The following ZNF384 variants were observed in gnomAD, a reference collection of about 807,000 sequenced individuals.
ZNF384 encodes the protein zinc finger protein 384.
Under a neutral mutation model 65.0 loss-of-function variants are expected in ZNF384, and 20 were observed. The ratio of observed to expected loss-of-function variants is 0.31; its 90% confidence interval spans 0.22 to 0.45. The LOEUF is 0.45. Among genes scored for constraint, ZNF384 ranks in the 20% least tolerant of loss-of-function variants. The pLI, the probability that ZNF384 is intolerant of heterozygous loss-of-function variation, is 1.00. For missense variants in ZNF384, 549 were observed against 769.4 expected, an observed-to-expected ratio of 0.71 and a Z score of 3.39; for synonymous variants, 310 against 303.9, an observed-to-expected ratio of 1.02 and a Z score of -0.21.
intron 2 of ZNF384, 109 bp from the exon 3 acceptor site, chr12:6,679,634 A>G (rs1955146578): frequency 1.3e-6 from 1 of 796,154 alleles, no homozygotes; most frequent in African/African-American, 1.7e-5. Context: ...ACCTGATCAC[A>G]TGGCTGGGGA....
rs775955226 is a variant in ZNF384 at position 6,672,459 on chromosome 12, T to C, written c.1078A>G (p.Thr360Ala). The C allele has an allele frequency of 6.2e-7, 1 of 1,613,490 alleles. No individual in the cohort carries two copies. The highest frequency in any genetic ancestry group is 1.1e-5 in the South Asian group (1 of 91,020). The change falls in exon 9 of 12, where the codon ACC (threonine) becomes GCC (alanine). Residue 360 changes from threonine (T) to alanine (A), a missense_variant. Physicochemically the swap from Thr to Ala is moderately conservative, Grantham distance 58. Coordinates refer to ENST00000683879, the MANE Select transcript of ZNF384 (RefSeq NM_001385745.1). The surrounding 1 kb of genome is among the most constrained non-coding windows in gnomAD (Gnocchi z 4.4). ...CGGAGGTGCTGGGCCAGGTAGGAGG[T>C]GTTGGCGAAGGTCTTGGAGCAGTGC... Reference protein sequence around the residue: ...CPHCSKTFANTSYLAQHLRIH... With the variant: ...CPHCSKTFANASYLAQHLRIH...
Position 6,678,807 on chromosome 12 carries a change from C to T in ZNF384, c.305-97G>A. ...CCACAATGCCTAGCACATTGCTAGG[C>T]ACACAGTAGGCACTTAATAAAAATT... On this transcript the variant is annotated intron_variant, in intron 4 of 11. Coordinates refer to ENST00000683879, the MANE Select transcript of ZNF384 (RefSeq NM_001385745.1). The surrounding 1 kb of genome is among the most constrained non-coding windows in gnomAD (Gnocchi z 4.9). The T allele has an allele frequency of 2.7e-6, 4 of 1,498,376 alleles. No homozygotes were observed. The highest frequency in any genetic ancestry group is 2.8e-6 in the Non-Finnish European group (3 of 1,079,566). The allele number at this position is 1,498,376 out of a possible 1,614,324, so 92.8% of individuals were successfully genotyped here. A position where few individuals can be genotyped will look rare whatever the true frequency, so the allele number is the denominator to read the frequency against.
At chr12:6,688,430 G>A (rs1181302832) in intron 1 of ZNF384, 4 of 152,262 alleles carry the variant, frequency 2.6e-5, no homozygotes, top group African/African-American at 9.7e-5. Context: ...CCAATTCCCA[G>A]AAACTAAGAC....
rs2136648649 is a variant in ZNF384, at chr12:6,673,331, C to T, written c.889G>A (p.Ala297Thr). Residue 297 changes from alanine to threonine, a missense_variant, in exon 8 of 12, where the codon GCC becomes ACC. Physicochemically the swap from Ala to Thr is moderately conservative, Grantham distance 58. Transcript: ENST00000683879. The surrounding 1 kb of genome is among the most constrained non-coding windows in gnomAD (Gnocchi z 4.7). ...TGCTGGGCCAGGTAGGAGCTGTTGG[C>T]GAAGGTCTTGGAGCAATGTGGGCAC... is the stretch of plus-strand genomic sequence containing the variant. ...HKCPHCSKTFANSSYLAQHIR... is the reference protein window; with the variant it reads ...HKCPHCSKTFTNSSYLAQHIR... 4 of 1,612,296 alleles carry T rather than the reference C, an allele frequency of 2.5e-6. No individual in the cohort carries two copies. The highest frequency in any genetic ancestry group is 3.4e-6 in the Non-Finnish European group (4 of 1,179,796).
chr12:6,672,483 G>T lies in ZNF384; in HGVS notation c.1054C>A (p.His352Asn). ...GTGTTGGCGAAGGTCTTGGAGCAGTGCGGGCACTTGTGGGGCTTGATGGTC... is the reference window on the plus strand; with the variant it reads ...GTGTTGGCGAAGGTCTTGGAGCAGTTCGGGCACTTGTGGGGCTTGATGGTC... ...TETIKPHKCP[H>N]CSKTFANTSY... The change falls in exon 9 of 12, where the codon CAC becomes AAC. Residue 352 changes from histidine to asparagine, a missense_variant. His to Asn is a moderately conservative substitution (Grantham distance 68, BLOSUM62 1). Transcript: ENST00000683879. The surrounding 1 kb of genome is among the most constrained non-coding windows in gnomAD (Gnocchi z 4.4). The T allele has an allele frequency of 1.9e-6, 3 of 1,614,178 alleles. No homozygotes were observed. Among genetic ancestry groups the T allele is most frequent in the Non-Finnish European group, 2.5e-6 (3 of 1,180,024 alleles).
chr12:6,670,943 TCAGATGGGCCTCCAAGAGGCACCA>T lies in ZNF384; in HGVS notation c.1188-129_1188-106del. 3.1e-6 allele frequency: 3 copies of T among 961,668 alleles called. 1 individual carries two copies. In the South Asian group the frequency reaches 4.3e-5, roughly 14 times the overall value. The allele number at this position is 961,668 out of a possible 1,614,324, so 59.6% of individuals were successfully genotyped here. ...CATCCTGCTCTCCTAAGGAGGCACA[TCAGATGGGCCTCCAAGAGGCACCA>T]GCCTTCCTCTCTGATGTGGATCAGG... On this transcript the variant is annotated intron_variant, in intron 9 of 11. Coordinates refer to ENST00000683879, the MANE Select transcript of ZNF384 (RefSeq NM_001385745.1).
chr12:6,678,506 G>T lies in ZNF384; in HGVS notation c.353-46C>A. ...AGATGGCGTCATGTTGTTCAGTCCTGATCCTAATCCTATTTCATTTCCCCC... is the reference window on the plus strand; with the variant it reads ...AGATGGCGTCATGTTGTTCAGTCCTTATCCTAATCCTATTTCATTTCCCCC... On this transcript the variant is annotated intron_variant, in intron 5 of 11. Coordinates refer to ENST00000683879, the MANE Select transcript of ZNF384 (RefSeq NM_001385745.1). The surrounding 1 kb of genome is among the most constrained non-coding windows in gnomAD (Gnocchi z 4.9). 6.5e-7 allele frequency: 1 copy of T among 1,548,034 alleles called. No homozygotes were observed. The highest frequency in any genetic ancestry group is 8.8e-7 in the Non-Finnish European group (1 of 1,137,874).
intron 10 of ZNF384, among the ~76,000 whole-genome samples, chr12:6,669,511 TTTC>T (rs1269246795): frequency 2.6e-5 from 4 of 151,768 alleles, no homozygotes; most frequent in African/African-American, 9.7e-5. Context: ...TTTTTTTTTT[TTTC>T]CCAGATGAAG....
intron 2 of ZNF384, among the ~76,000 whole-genome samples, chr12:6,680,690 C>T (rs1017823604): frequency 1.1e-4 from 17 of 151,860 alleles, no homozygotes; most frequent in African/African-American, 3.9e-4. Flanking sequence ...TTTTGAGTAC[C>T]AACTACTATC....
chr12:6,669,693 G>A (rs1020086806), intron 10 of ZNF384, among the ~76,000 whole-genome samples: 5 of 152,072 alleles, frequency 3.3e-5, no homozygotes, highest in African/African-American at 1.2e-4. Context: ...GTAGAGACAA[G>A]GTTTCACCGT....
chr12:6,676,348 A>G (rs965332420), intron 7 of ZNF384, among the ~76,000 whole-genome samples: 5 of 152,262 alleles, frequency 3.3e-5, no homozygotes, highest in Admixed American at 2.0e-4. Flanking sequence ...GAGTTTCTGA[A>G]GAAATTCTGT....
intron 10 of ZNF384, among the ~76,000 whole-genome samples, chr12:6,669,704 G>C (rs899925287): frequency 1.3e-5 from 2 of 152,114 alleles, no homozygotes; most frequent in African/African-American, 4.8e-5. Context: ...GTTTCACCGT[G>C]TTGGCCAGGC....
In ZNF384 at chr12:6,667,913, T is replaced by TGCTGCTGCTGCTGCA; in HGVS notation, c.1627_1628insTGCAGCAGCAGCAGC (p.Gln542_Gln543insLeuGlnGlnGlnGln). ...GTGTGGTGGTGGCTGTTGCTGCTGC[T>TGCTGCTGCTGCTGCA]GCTGCTGCTGCTGCTGCTGCTGCTG... is the stretch of plus-strand genomic sequence containing the variant. On this transcript the variant is annotated inframe_insertion, in exon 12 of 12. Coordinates refer to ENST00000683879, the MANE Select transcript of ZNF384 (RefSeq NM_001385745.1). The TGCTGCTGCTGCTGCA allele has an allele frequency of 6.3e-7, 1 of 1,578,648 alleles. No individual in the cohort carries two copies. The highest frequency in any genetic ancestry group is 8.6e-7 in the Non-Finnish European group (1 of 1,161,510).
rs1232217779 is a variant in ZNF384, at chr12:6,667,120, C to G, written c.*594G>C. 2 of 242,956 alleles carry G rather than the reference C, an allele frequency of 8.2e-6. No homozygotes were observed. The highest frequency in any genetic ancestry group is 4.4e-5 in the African/African-American group (2 of 45,270). 15.1% of individuals were successfully genotyped at this position (242,956 alleles called of 1,614,324 possible). ...GGCCCCTTGGGGACCACATCTCAGC[C>G]CTTGCCCCCTTCAAATAAAAGGAGG... On this transcript the variant is annotated 3_prime_UTR_variant, in exon 12 of 12. Coordinates refer to ENST00000683879, the MANE Select transcript of ZNF384 (RefSeq NM_001385745.1).
Position 6,673,542 on chromosome 12 carries a change from C to T in ZNF384, c.780-102G>A. The T allele has an allele frequency of 1.1e-6, 1 of 933,658 alleles. No homozygotes were observed. The highest frequency in any genetic ancestry group is 2.8e-4 in the Middle Eastern group (1 of 3,604). 57.8% of individuals were successfully genotyped at this position (933,658 alleles called of 1,614,324 possible). ...AGAAGCCCACCTATCTGAGGTCTCT[C>T]CTACTCCAACTTGAGAGTAGAGCTC... On this transcript the variant is annotated intron_variant, in intron 7 of 11. Transcript: ENST00000683879. This position sits in a 1 kb window ranked among gnomAD's most constrained non-coding sequence, Gnocchi z 4.7.
At chr12:6,668,923 T>A in intron 11 of ZNF384, 108 bp downstream of exon 11, 1 of 1,235,866 alleles carries the variant, frequency 8.1e-7, no homozygotes, top group South Asian at 1.7e-5. Context: ...AAGTTGGAGC[T>A]AGGGAGGCAG....
chr12:6,676,256 G>A lies in ZNF384; in HGVS notation c.779+911C>T, dbSNP rs193048686. Among the ~76,000 whole-genome samples, 12 of 152,162 alleles carry A rather than the reference G, an allele frequency of 7.9e-5. 1 individual carries two copies. Among genetic ancestry groups the A allele is most frequent in the African/African-American group, 2.9e-4 (12 of 41,520 alleles). On this transcript the variant is annotated intron_variant, in intron 7 of 11. Coordinates refer to ENST00000683879, the MANE Select transcript of ZNF384 (RefSeq NM_001385745.1). Reference sequence around the variant, plus strand: ...CAGAAGTTAAGAGTGAGTTGAGATTGTGCCACTGCACACCAGCCTGGGCGA... The same window carrying A: ...CAGAAGTTAAGAGTGAGTTGAGATTATGCCACTGCACACCAGCCTGGGCGA...
At chr12:6,680,024 G>C (rs894225755) in intron 2 of ZNF384, among the ~76,000 whole-genome samples, 1 of 152,186 alleles carries the variant, frequency 6.6e-6, no homozygotes, top group Non-Finnish European at 1.5e-5. Flanking sequence ...TGTCACCCAG[G>C]CTACACTGCA....
intron 2 of ZNF384, among the ~76,000 whole-genome samples, chr12:6,685,776 CA>C (rs778337408): frequency 0.11 from 4,902 of 43,246 alleles, 28 homozygotes; most frequent in Non-Finnish European, 0.14. Flanking sequence ...GACTCAGTCT[CA>C]AAAAAAAAAA....
Sources: allele counts gnomAD v4.1 joint callset (sites outside exome capture counted in the v4.1 genomes callset), GRCh38; gene constraint gnomAD v4.1.1; non-coding constraint Gnocchi (gnomAD v3.1); transcripts MANE v1.5; gene names NCBI Gene and HGNC (gene_info 2026-07-23, HGNC 2026-07-21).